The following RFX3 variants were observed in gnomAD, a reference collection of about 807,000 sequenced individuals.
RFX3 encodes the protein transcription factor RFX3.
A neutral mutation model predicts 98.6 loss-of-function variants in RFX3; 14 were observed. The observed-to-expected ratio is 0.14, with a 90% CI of 0.09 to 0.22. The LOEUF (loss-of-function observed/expected upper bound fraction) is 0.22. RFX3 is among the 10% of genes least tolerant of loss of function. The pLI is 1.00. For synonymous variants in RFX3, 383 were observed against 328.4 expected (o/e 1.17, Z -1.80); for missense variants, 639 against 926.9 (o/e 0.69, Z 4.03).
chr9:3,440,596 G>A (rs10814096), intron 1 of RFX3, among the ~76,000 whole-genome samples: 26,796 of 152,074 alleles, frequency 0.18, 3,281 homozygotes, highest in African/African-American at 0.35. Context: ...AGAGGGCTAA[G>A]TAAAGAGGTA....
At chr9:3,512,077 T>G (rs550741562) in intron 1 of RFX3, among the ~76,000 whole-genome samples, 3 of 152,030 alleles carry the variant, frequency 2.0e-5, no homozygotes, top group Non-Finnish European at 2.9e-5. Context: ...ACCCTTAACA[T>G]GTACCCATAA....
At chr9:3,485,470 A>G (rs1211643648) in intron 1 of RFX3, among the ~76,000 whole-genome samples, 1 of 152,206 alleles carries the variant, frequency 6.6e-6, no homozygotes, top group African/African-American at 2.4e-5. Flanking sequence ...CTCACTCAAA[A>G]AGCCATGAGC....
At chr9:3,297,859 G>T (rs947420012) in intron 5 of RFX3, among the ~76,000 whole-genome samples, 5 of 151,708 alleles carry the variant, frequency 3.3e-5, no homozygotes, top group Non-Finnish European at 5.9e-5. Flanking sequence ...AATTTCATGC[G>T]ATTATTGGGA....
intron 2 of RFX3, among the ~76,000 whole-genome samples, chr9:3,392,992 T>C (rs955888569): frequency 2.6e-5 from 3 of 113,868 alleles, no homozygotes; most frequent in African/African-American, 1.0e-4. Context: ...ATTATTGTTT[T>C]TGTACCTAAA....
chr9:3,525,951 A>AGAGAGC lies in RFX3; in HGVS notation c.-219_-214dup, dbSNP rs1819240898. On this transcript the variant is annotated 5_prime_UTR_variant, in exon 1 of 17. Coordinates refer to ENST00000617270, the MANE Select transcript of RFX3 (RefSeq NM_001282116.2). ...AAGAGAGAGAGAGAGGGAGAGAGAGAGAGAGCGAGAGGGAGAGGGAGACAC... is the reference window on the plus strand; with the variant it reads ...AAGAGAGAGAGAGAGGGAGAGAGAGAGAGAGCGAGAGCGAGAGGGAGAGGGAGACAC... The AGAGAGC allele has an allele frequency of 3.0e-6, 2 of 663,020 alleles. No homozygotes were observed. Among genetic ancestry groups the AGAGAGC allele is most frequent in the African/African-American group, 2.1e-5 (1 of 46,664 alleles). 41.1% of individuals were successfully genotyped at this position (663,020 alleles called of 1,614,324 possible).
At position 3,277,978 on chromosome 9, in the gene RFX3, A is replaced by G. The variant is rs78456201; in HGVS notation, c.852-517T>C. Among the ~76,000 whole-genome samples, 32 of 152,104 alleles carry G rather than the reference A, an allele frequency of 2.1e-4. No homozygotes were observed. In the East Asian group the frequency reaches 6.2e-3, roughly 29 times the overall value. ...CGTGCATCTCAACACATTTATCTCC[A>G]TGACAATTATCAACATCCTCAAATA... On this transcript the variant is annotated intron_variant, in intron 7 of 16. Coordinates refer to ENST00000617270, the MANE Select transcript of RFX3 (RefSeq NM_001282116.2).
intron 3 of RFX3, among the ~76,000 whole-genome samples, chr9:3,340,912 C>G (rs143858025): frequency 0.018 from 2,702 of 152,210 alleles, 78 homozygotes; most frequent in African/African-American, 0.062. Context: ...GGGTACATAC[C>G]CAAAGGATTA....
intron 1 of RFX3, among the ~76,000 whole-genome samples, chr9:3,516,110 G>A (rs371704006): frequency 2.0e-4 from 30 of 152,026 alleles, no homozygotes; most frequent in East Asian, 9.7e-4. Context: ...GCGCACTGGC[G>A]TGATCTCGGC....
At chr9:3,281,511 T>A (rs1418973205) in intron 7 of RFX3, among the ~76,000 whole-genome samples, 1 of 151,768 alleles carries the variant, frequency 6.6e-6, no homozygotes, top group Admixed American at 6.6e-5. Context: ...CTCTTAGTAC[T>A]CTTTCATTGA....
chr9:3,254,498 G>A (rs1196834483), intron 14 of RFX3, among the ~76,000 whole-genome samples: 1 of 151,504 alleles, frequency 6.6e-6, no homozygotes, highest in African/African-American at 2.4e-5. Context: ...AAAACTTGAT[G>A]AATAAAAAGA....
intron 15 of RFX3, among the ~76,000 whole-genome samples, chr9:3,246,746 C>T (rs1820732913): frequency 6.6e-6 from 1 of 152,164 alleles, no homozygotes; most frequent in Non-Finnish European, 1.5e-5. Flanking sequence ...GTTTTGGTCA[C>T]ATGAGGTCCT....
In RFX3 at chr9:3,262,930, A is replaced by T; in HGVS notation, c.1605+5T>A. ...AGAGACATGCTTTGCAAGGAAATAG[A>T]ATACCTGGACATTGGCAAAGTCGAC... On this transcript the variant is annotated splice_donor_5th_base_variant and intron_variant, in intron 13 of 16. Coordinates refer to ENST00000617270, the MANE Select transcript of RFX3 (RefSeq NM_001282116.2). 1 of 1,612,804 alleles carries T rather than the reference A, an allele frequency of 6.2e-7. No individual in the cohort carries two copies. Among genetic ancestry groups the T allele is most frequent in the Non-Finnish European group, 8.5e-7 (1 of 1,179,294 alleles).
At chr9:3,481,344 A>G (rs1459591026) in intron 1 of RFX3, among the ~76,000 whole-genome samples, 1 of 152,160 alleles carries the variant, frequency 6.6e-6, no homozygotes, top group Admixed American at 6.6e-5. Context: ...TTGTTCAAAT[A>G]TATCAAAGGA....
At chr9:3,312,816 G>A (rs1187017897) in intron 4 of RFX3, among the ~76,000 whole-genome samples, 3 of 152,228 alleles carry the variant, frequency 2.0e-5, no homozygotes, top group African/African-American at 7.2e-5. Context: ...GAGGCTGGGA[G>A]AGGGGCGTCC....
rs147480766 is a variant in RFX3, at chr9:3,292,524, G to A, written c.731+553C>T. ...TAAAATAGAGCTATCTCATCACTGAGGAATTTAAACAATATTTTGCAAGTT... is the reference window on the plus strand; with the variant it reads ...TAAAATAGAGCTATCTCATCACTGAAGAATTTAAACAATATTTTGCAAGTT... On this transcript the variant is annotated intron_variant, in intron 6 of 16. Transcript: ENST00000617270. 6.1e-3 allele frequency among the ~76,000 whole-genome samples: 923 copies of A among 152,212 alleles called. 3 individuals carry two copies. The highest frequency in any genetic ancestry group is 9.8e-3 in the Non-Finnish European group (669 of 68,016).
intron 2 of RFX3, among the ~76,000 whole-genome samples, chr9:3,354,061 T>C (rs908028320): frequency 2.0e-5 from 3 of 151,914 alleles, no homozygotes; most frequent in Non-Finnish European, 4.4e-5. Context: ...AAGCAGACAA[T>C]ACAATGAAAA....
At chr9:3,338,901 A>G (rs66573713) in intron 3 of RFX3, among the ~76,000 whole-genome samples, 26,844 of 152,104 alleles carry the variant, frequency 0.18, 2,433 homozygotes, top group Middle Eastern at 0.22. Context: ...CACCGTGGCC[A>G]ATATGAAGAA....
intron 1 of RFX3, chr9:3,488,713 T>G: frequency 1.1e-6 from 1 of 885,102 alleles, no homozygotes. Context: ...CTTTCAACCT[T>G]ATATCCATAA....
chr9:3,372,607 G>A (rs1837986861), intron 2 of RFX3, among the ~76,000 whole-genome samples: 1 of 149,878 alleles, frequency 6.7e-6, no homozygotes, highest in South Asian at 2.1e-4. Flanking sequence ...GAGTGCGGTG[G>A]TGTGATCTTG....
Sources: allele counts gnomAD v4.1 joint callset (sites outside exome capture counted in the v4.1 genomes callset), GRCh38; gene constraint gnomAD v4.1.1; transcripts MANE v1.5; gene names NCBI Gene and HGNC (gene_info 2026-07-23, HGNC 2026-07-21).